The following LHFPL6 variants were observed in gnomAD, a reference collection of about 807,000 sequenced individuals.
LHFPL6 encodes the protein LHFPL tetraspan subfamily member 6 protein.
Under a neutral mutation model 20.6 loss-of-function variants are expected in LHFPL6, and 9 were observed. The observed-to-expected ratio is 0.44, with a 90% CI of 0.26 to 0.76. LHFPL6 has a LOEUF of 0.76. Among genes scored for constraint, LHFPL6 ranks in the 30% least tolerant of loss-of-function variants. LHFPL6 has a pLI of 0.20. For missense variants in LHFPL6, 218 were observed against 253.5 expected (o/e 0.86, Z 0.95); for synonymous variants, 105 against 98.7 (o/e 1.06, Z -0.38).
intron 2 of LHFPL6, among the ~76,000 whole-genome samples, chr13:39,575,557 T>C (rs1357750536): frequency 6.6e-6 from 1 of 152,196 alleles, no homozygotes; most frequent in Non-Finnish European, 1.5e-5. Context: ...CCAGATTTAT[T>C]TTTAGCTTCA....
intron 2 of LHFPL6, among the ~76,000 whole-genome samples, chr13:39,490,350 G>C (rs1163335947): frequency 6.6e-6 from 1 of 152,176 alleles, no homozygotes; most frequent in African/African-American, 2.4e-5. Flanking sequence ...GCCTGATAGG[G>C]GAACAAAGCA....
At chr13:39,556,070 CT>C (rs1185077457) in intron 2 of LHFPL6, among the ~76,000 whole-genome samples, 1 of 152,196 alleles carries the variant, frequency 6.6e-6, no homozygotes, top group Non-Finnish European at 1.5e-5. Flanking sequence ...AGATTAGGAG[CT>C]TCCTGAAGCC....
intron 2 of LHFPL6, among the ~76,000 whole-genome samples, chr13:39,534,763 G>A (rs1168822496): frequency 6.6e-6 from 1 of 152,012 alleles, no homozygotes; most frequent in Admixed American, 6.6e-5. Context: ...TTATAATTGT[G>A]GACCATATCT....
intron 2 of LHFPL6, among the ~76,000 whole-genome samples, chr13:39,428,744 T>C (rs1226507059): frequency 1.3e-5 from 2 of 152,182 alleles, no homozygotes; most frequent in African/African-American, 4.8e-5. Context: ...GAATTTCTCT[T>C]TCTTGTTTTT....
At chr13:39,373,886 G>A (rs2138355774) in intron 3 of LHFPL6, among the ~76,000 whole-genome samples, 1 of 152,294 alleles carries the variant, frequency 6.6e-6, no homozygotes, top group East Asian at 1.9e-4. Context: ...AGATGCTGGC[G>A]AGGCTATGGA....
intron 2 of LHFPL6, among the ~76,000 whole-genome samples, chr13:39,555,811 G>A (rs1871287400): frequency 6.6e-6 from 1 of 152,282 alleles, no homozygotes; most frequent in Non-Finnish European, 1.5e-5. Context: ...TACATGATAT[G>A]GTTTGGATAT....
intron 2 of LHFPL6, among the ~76,000 whole-genome samples, chr13:39,509,516 A>G (rs6563717): frequency 0.39 from 58,504 of 151,722 alleles, 13,831 homozygotes; most frequent in African/African-American, 0.68. Context: ...TTTTTTGTAT[A>G]TGCCTATTTT....
At chr13:39,562,589 T>TAC (rs1555268279) in intron 2 of LHFPL6, among the ~76,000 whole-genome samples, 2 of 131,968 alleles carry the variant, frequency 1.5e-5, no homozygotes, top group East Asian at 2.2e-4. Context: ...TACACATATA[T>TAC]ACATATATAC....
At chr13:39,462,369 C>T (rs913329890) in intron 2 of LHFPL6, among the ~76,000 whole-genome samples, 1 of 152,148 alleles carries the variant, frequency 6.6e-6, no homozygotes, top group African/African-American at 2.4e-5. Flanking sequence ...AATTCCTTTG[C>T]TTTGGTTGCT....
chr13:39,497,691 T>C (rs1176498792), intron 2 of LHFPL6, among the ~76,000 whole-genome samples: 1 of 152,192 alleles, frequency 6.6e-6, no homozygotes, highest in Non-Finnish European at 1.5e-5. Context: ...TTTGATTACA[T>C]ATTTAATCTT....
chr13:39,462,968 A>T (rs1181442163), intron 2 of LHFPL6, among the ~76,000 whole-genome samples: 1 of 152,140 alleles, frequency 6.6e-6, no homozygotes, highest in Non-Finnish European at 1.5e-5. Context: ...GTTCTCCAAA[A>T]AGGGTGCCAT....
intron 2 of LHFPL6, among the ~76,000 whole-genome samples, chr13:39,577,916 C>T (rs1433365011): frequency 5.3e-5 from 8 of 152,088 alleles, no homozygotes; most frequent in African/African-American, 1.7e-4. Context: ...GCTGGGATTA[C>T]AAGCATAAGC....
At chr13:39,355,590 C>A (rs992173952) in intron 3 of LHFPL6, among the ~76,000 whole-genome samples, 3 of 152,142 alleles carry the variant, frequency 2.0e-5, no homozygotes, top group African/African-American at 7.2e-5. Flanking sequence ...TACAGAGTGG[C>A]AAGTTGGGTA....
intron 2 of LHFPL6, among the ~76,000 whole-genome samples, chr13:39,470,889 G>A (rs1428805668): frequency 6.6e-6 from 1 of 152,156 alleles, no homozygotes; most frequent in African/African-American, 2.4e-5. Context: ...TCATCACCGT[G>A]GTTACCTCCT....
At chr13:39,545,640 G>C (rs1342919418) in intron 2 of LHFPL6, among the ~76,000 whole-genome samples, 5 of 152,052 alleles carry the variant, frequency 3.3e-5, no homozygotes, top group African/African-American at 1.2e-4. Flanking sequence ...TGAAGTCCTT[G>C]ATATGAAATG....
chr13:39,376,703 A>C (rs1870302407), intron 3 of LHFPL6, among the ~76,000 whole-genome samples: 1 of 152,186 alleles, frequency 6.6e-6, no homozygotes, highest in Non-Finnish European at 1.5e-5. Context: ...ATATAGTAAT[A>C]CTGCCATTAG....
Position 39,343,691 on chromosome 13 carries a change from C to G in LHFPL6, c.*245G>C, listed in dbSNP as rs1404355506. On this transcript the variant is annotated 3_prime_UTR_variant, in exon 4 of 4. Transcript: ENST00000379589. ...CTCTGTGGAATAGAAACACCCGATG[C>G]CCTGCAATATTTTTAGCCTTTGGTC... 1 of 413,328 alleles carries G rather than the reference C, an allele frequency of 2.4e-6. No individual in the cohort carries two copies. Among genetic ancestry groups the G allele is most frequent in the East Asian group, 3.8e-5 (1 of 26,398 alleles). 25.6% of individuals were successfully genotyped at this position (413,328 alleles called of 1,614,324 possible). A position where few individuals can be genotyped will look rare whatever the true frequency, so the allele number is the denominator to read the frequency against.
chr13:39,566,821 A>G (rs753782463), intron 2 of LHFPL6, among the ~76,000 whole-genome samples: 3 of 151,878 alleles, frequency 2.0e-5, no homozygotes, highest in Non-Finnish European at 4.4e-5. Context: ...GAACTCCTCT[A>G]AAACCTAGGT....
intron 2 of LHFPL6, among the ~76,000 whole-genome samples, chr13:39,380,616 C>G (rs557951625): frequency 9.2e-5 from 14 of 151,928 alleles, no homozygotes; most frequent in African/African-American, 3.4e-4. Context: ...TCTCTGCCTC[C>G]TGAGTAGCTG....
Sources: allele counts gnomAD v4.1 joint callset (sites outside exome capture counted in the v4.1 genomes callset), GRCh38; gene constraint gnomAD v4.1.1; transcripts MANE v1.5; gene names NCBI Gene and HGNC (gene_info 2026-07-23, HGNC 2026-07-21).